The following DPY19L3 variants were observed in gnomAD, a reference collection of about 807,000 sequenced individuals.
DPY19L3 encodes dpy-19 like C-mannosyltransferase 3.
DPY19L3 carries 51 observed loss-of-function variants against 92.3 expected under a neutral mutation model. That is an observed-to-expected ratio of 0.55 (90% CI 0.44 to 0.70). DPY19L3 has a LOEUF of 0.70. Ranked by LOEUF, DPY19L3 falls within the 30% of genes least tolerant of loss-of-function variation. The probability of loss-of-function intolerance (pLI) is 0.00; values close to 1 mark genes in which losing one functional copy is unlikely to be tolerated. For missense variants in DPY19L3, 706 were observed against 855.9 expected (o/e 0.82, Z 2.18); for synonymous variants, 309 against 315.2 (o/e 0.98, Z 0.21).
At chr19:32,410,917 A>G (rs1968156447) in intron 2 of DPY19L3, among the ~76,000 whole-genome samples, 1 of 152,252 alleles carries the variant, frequency 6.6e-6, no homozygotes, top group Admixed American at 6.5e-5. Context: ...TCCATTTAAC[A>G]GACTTCATAG....
intron 4 of DPY19L3, among the ~76,000 whole-genome samples, chr19:32,433,346 G>T (rs1429674756): frequency 6.6e-6 from 1 of 152,216 alleles, no homozygotes; most frequent in Non-Finnish European, 1.5e-5. Context: ...GCATGTGACA[G>T]AAAACTGCTC....
Position 32,439,056 on chromosome 19 carries a change from C to T in DPY19L3, c.597-56C>T, listed in dbSNP as rs1288321279. ...ATATATCTTTCGTTGAGGAAGTCTTCGAGGAAATTATTGTAAAAACTATCA... is the reference window on the plus strand; with the variant it reads ...ATATATCTTTCGTTGAGGAAGTCTTTGAGGAAATTATTGTAAAAACTATCA... On this transcript the variant is annotated intron_variant, in intron 6 of 18. Coordinates refer to ENST00000392250, the MANE Select transcript of DPY19L3 (RefSeq NM_001172774.2). The T allele has an allele frequency of 1.2e-5, 18 of 1,554,956 alleles. No homozygotes were observed. In the East Asian group the frequency reaches 2.5e-4, roughly 22 times the overall value.
chr19:32,408,795 CTT>C (rs879308053), intron 2 of DPY19L3, among the ~76,000 whole-genome samples: 2 of 137,344 alleles, frequency 1.5e-5, no homozygotes. Context: ...TTTTCTTTTG[CTT>C]TTTTTTTTTT....
At chr19:32,481,895 GTCT>G in intron 18 of DPY19L3, 181 bp from the exon 19 acceptor site, 1 of 639,572 alleles carries the variant, frequency 1.6e-6, no homozygotes, top group East Asian at 2.8e-5. Context: ...CTCAGCCTTG[GTCT>G]GCACTTCTGA....
intron 3 of DPY19L3, among the ~76,000 whole-genome samples, chr19:32,425,056 C>T (rs1311916816): frequency 3.3e-5 from 5 of 152,186 alleles, no homozygotes; most frequent in African/African-American, 1.2e-4. Flanking sequence ...ACCACTGCCT[C>T]ACACCATACA....
At chr19:32,408,120 G>T in intron 1 of DPY19L3, 97 bp from the exon 2 acceptor site, 1 of 650,262 alleles carries the variant, frequency 1.5e-6, no homozygotes, top group Non-Finnish European at 2.7e-6. Context: ...TGCTAATAGA[G>T]GGAAAATGGC....
At chr19:32,478,566 G>A (rs191149832) in intron 17 of DPY19L3, among the ~76,000 whole-genome samples, 1 of 152,296 alleles carries the variant, frequency 6.6e-6, no homozygotes, top group East Asian at 1.9e-4. Flanking sequence ...GATAATGTTA[G>A]CAGTTTCTTG....
At position 32,477,653 on chromosome 19, in the gene DPY19L3, C is replaced by T. The variant is rs778691909; in HGVS notation, c.1829C>T (p.Ala610Val). 9.3e-6 allele frequency: 15 copies of T among 1,613,798 alleles called. No homozygotes were observed. The Admixed American group carries it at 1.2e-4, about 13-fold the overall frequency. ...EDSSLRERTR[A>V]VYQIYAKRAP... ...AGCAGCCTGAGAGAGCGGACCAGAG[C>T]GGTGAGGCTCCCCAGTGCCTCCCCT... The change falls in exon 17 of 19, where the codon GCG becomes GTG. Residue 610 changes from alanine (A) to valine (V), a missense_variant and splice_region_variant. By Grantham distance (64) the Ala-to-Val change is moderately conservative. Transcript: ENST00000392250.
chr19:32,454,835 G>A, intron 9 of DPY19L3, 104 bp from the exon 10 acceptor site: 1 of 696,364 alleles, frequency 1.4e-6, no homozygotes, highest in Non-Finnish European at 2.4e-6. Flanking sequence ...TTCCCTTTAT[G>A]TTATATGAGC....
At chr19:32,440,419 T>C (rs1969285967) in intron 8 of DPY19L3, among the ~76,000 whole-genome samples, 5 of 152,242 alleles carry the variant, frequency 3.3e-5, no homozygotes. Flanking sequence ...CATTTTTTCA[T>C]GTGCAAAAAT....
At position 32,485,271 on chromosome 19, in the gene DPY19L3, A is replaced by G. The variant is rs554792039; in HGVS notation, c.*3031A>G. 3 of 152,348 alleles carry G rather than the reference A, an allele frequency of 2.0e-5. No individual in the cohort carries two copies. The highest frequency in any genetic ancestry group is 7.2e-5 in the African/African-American group (3 of 41,588). The allele number at this position is 152,348 out of a possible 1,614,324, so 9.4% of individuals were successfully genotyped here. ...GGTTCTAATCACTTTCATTACAGGCATTTGAAAAATAGGGATTCATTTCGA... is the reference window on the plus strand; with the variant it reads ...GGTTCTAATCACTTTCATTACAGGCGTTTGAAAAATAGGGATTCATTTCGA... On this transcript the variant is annotated 3_prime_UTR_variant, in exon 19 of 19. Transcript: ENST00000392250.
rs576952552 is a variant in DPY19L3, at chr19:32,411,317, C to T, written c.182C>T (p.Thr61Ile). 9.9e-6 allele frequency: 16 copies of T among 1,614,016 alleles called. No individual in the cohort carries two copies. The East Asian group carries it at 1.6e-4, about 16-fold the overall frequency. Residue 61 changes from threonine to isoleucine, a missense_variant, in exon 3 of 19, where the codon ACA (threonine) becomes ATA (isoleucine). By Grantham distance (89) the Thr-to-Ile change is moderately conservative. Coordinates refer to ENST00000392250, the MANE Select transcript of DPY19L3 (RefSeq NM_001172774.2). ...ATTGCCCTTTGCATTGGACTTCTTA[C>T]ATCTGTCTACCTTGCCACGTTACAT... is the stretch of plus-strand genomic sequence containing the variant. ...GTIALCIGLL[T>I]SVYLATLHEN...
intron 8 of DPY19L3, among the ~76,000 whole-genome samples, chr19:32,441,540 C>T (rs1969325181): frequency 1.4e-5 from 2 of 147,914 alleles, no homozygotes; most frequent in South Asian, 4.3e-4. Flanking sequence ...CTCTGTCTCC[C>T]AGGCTGGAGT....
intron 16 of DPY19L3, among the ~76,000 whole-genome samples, chr19:32,473,871 T>C (rs560231887): frequency 6.6e-6 from 1 of 152,350 alleles, no homozygotes; most frequent in South Asian, 2.1e-4. Context: ...TGGCGTGATC[T>C]CGGCTCACTG....
At chr19:32,409,194 T>TA (rs1427617319) in intron 2 of DPY19L3, among the ~76,000 whole-genome samples, 2 of 152,160 alleles carry the variant, frequency 1.3e-5, no homozygotes, top group Middle Eastern at 3.2e-3. Flanking sequence ...GAAAAAGAAA[T>TA]ATACTCCCAT....
rs59020860 is a variant in DPY19L3, at chr19:32,460,844, C to CTTGTTTTGTTTTGTTTTGTT, written c.1322+2359_1322+2378dup. On this transcript the variant is annotated intron_variant, in intron 12 of 18. Coordinates refer to ENST00000392250, the MANE Select transcript of DPY19L3 (RefSeq NM_001172774.2). ...AGTACTAGGAAGGATGATACTATGA[C>CTTGTTTTGTTTTGTTTTGTT]TTGTTTTGTTTTGTTTTGTTTTGTT... 5.2e-3 allele frequency among the ~76,000 whole-genome samples: 769 copies of CTTGTTTTGTTTTGTTTTGTT among 148,264 alleles called. 8 individuals are homozygous for CTTGTTTTGTTTTGTTTTGTT. Among genetic ancestry groups the CTTGTTTTGTTTTGTTTTGTT allele is most frequent in the African/African-American group, 0.014 (545 of 39,748 alleles).
intron 8 of DPY19L3, among the ~76,000 whole-genome samples, chr19:32,448,566 T>C (rs1465988571): frequency 6.6e-6 from 1 of 152,182 alleles, no homozygotes; most frequent in African/African-American, 2.4e-5. Context: ...TAAAGTAAGC[T>C]AGAGAAAGGG....
In DPY19L3 at chr19:32,456,079, CTTTTT is replaced by C. The variant is rs899726982; in HGVS notation, c.1089+1056_1089+1060del. On this transcript the variant is annotated intron_variant, in intron 10 of 18. Coordinates refer to ENST00000392250, the MANE Select transcript of DPY19L3 (RefSeq NM_001172774.2). ...CAGCCAGTCACTATGTCACTATGTT[CTTTTT>C]TTTTTTTTTTTTTTTTGGACAGGGT... Among the ~76,000 whole-genome samples the C allele has an allele frequency of 1.6e-4, 17 of 103,406 alleles. 1 individual carries two copies. The highest frequency in any genetic ancestry group is 5.2e-4 in the African/African-American group (14 of 26,740). 67.8% of individuals were successfully genotyped at this position (103,406 alleles called of 152,430 possible).
chr19:32,462,429 G>A (rs904592297), intron 12 of DPY19L3, among the ~76,000 whole-genome samples: 5 of 152,172 alleles, frequency 3.3e-5, no homozygotes, highest in African/African-American at 1.2e-4. Flanking sequence ...TCGGACAGCA[G>A]TTTCCTCAAT....
Sources: allele counts gnomAD v4.1 joint callset (sites outside exome capture counted in the v4.1 genomes callset), GRCh38; gene constraint gnomAD v4.1.1; transcripts MANE v1.5; gene names NCBI Gene and HGNC (gene_info 2026-07-23, HGNC 2026-07-21).